Variants in C1orf21 observed in about 807,000 individuals in gnomAD.
C1orf21 encodes the protein uncharacterized protein C1orf21.
Under a neutral mutation model 18.7 loss-of-function variants are expected in C1orf21, and 3 were observed. That is an observed-to-expected ratio of 0.16 (90% confidence interval 0.07 to 0.42). The LOEUF is 0.42. Ranked by LOEUF, C1orf21 falls within the 10% of genes least tolerant of loss-of-function variation. C1orf21 has a pLI of 0.99. For synonymous variants in C1orf21, 41 were observed against 46.4 expected (o/e 0.88, Z 0.47); for missense variants, 104 against 143.6 (o/e 0.72, Z 1.41).
At chr1:184,470,114 A>G (rs1440802064) in intron 1 of C1orf21, among the ~76,000 whole-genome samples, 2 of 151,850 alleles carry the variant, frequency 1.3e-5, no homozygotes, top group African/African-American at 4.8e-5. Flanking sequence ...CTCCCTTTCC[A>G]TCTGTTTTCT....
chr1:184,482,269 G>A (rs1177080096), intron 2 of C1orf21, among the ~76,000 whole-genome samples: 3 of 152,182 alleles, frequency 2.0e-5, no homozygotes, highest in Non-Finnish European at 4.4e-5. Flanking sequence ...CTTTCCAGCT[G>A]GGTAGCCAAA....
Position 184,477,735 on chromosome 1 carries a change from T to C in C1orf21, c.94+132T>C, listed in dbSNP as rs1421142699. On this transcript the variant is annotated intron_variant, in intron 2 of 5. Transcript: ENST00000235307. ...GTTACATGCCTAGAATGTGTAACGA[T>C]CAAGTCGGTATTTAGGATATCTATC... The C allele has an allele frequency of 3.3e-5, 23 of 690,290 alleles. No individual in the cohort carries two copies. The South Asian group carries it at 4.3e-4, about 13-fold the overall frequency. 42.8% of individuals were successfully genotyped at this position (690,290 alleles called of 1,614,324 possible).
At chr1:184,575,328 T>C (rs1368129191) in intron 3 of C1orf21, among the ~76,000 whole-genome samples, 1 of 152,138 alleles carries the variant, frequency 6.6e-6, no homozygotes, top group African/African-American at 2.4e-5. Flanking sequence ...TGGCTCCACA[T>C]TGTAAAATAA....
In C1orf21 at chr1:184,484,240, A is replaced by T. The variant is rs1292517723; in HGVS notation, c.94+6637A>T. 3.3e-5 allele frequency among the ~76,000 whole-genome samples: 5 copies of T among 152,126 alleles called. No individual in the cohort carries two copies. The South Asian group carries it at 6.2e-4, about 19-fold the overall frequency. ...TTGTTTTGTACTCTGTTCCTTCATG[A>T]TCGCCTTCTTCAGTCAACTGAGCAA... On this transcript the variant is annotated intron_variant, in intron 2 of 5. Coordinates refer to ENST00000235307, the MANE Select transcript of C1orf21 (RefSeq NM_030806.4).
At chr1:184,451,341 A>G (rs1026501791) in intron 1 of C1orf21, among the ~76,000 whole-genome samples, 5 of 151,890 alleles carry the variant, frequency 3.3e-5, no homozygotes, top group Non-Finnish European at 7.4e-5. Context: ...CCCAGACTGG[A>G]GTGCAACGGC....
At chr1:184,539,946 C>T (rs981644553) in intron 3 of C1orf21, 15 of 152,170 alleles carry the variant, frequency 9.9e-5, no homozygotes, top group African/African-American at 3.4e-4. Context: ...GGACATGACA[C>T]GGAGCAGTGA....
chr1:184,456,302 T>C (rs1657196486), intron 1 of C1orf21, among the ~76,000 whole-genome samples: 5 of 152,216 alleles, frequency 3.3e-5, no homozygotes, highest in Admixed American at 2.0e-4. Context: ...CTTAGTTATA[T>C]TTTCTGAATC....
intron 3 of C1orf21, among the ~76,000 whole-genome samples, chr1:184,541,825 C>T (rs921309728): frequency 3.9e-5 from 6 of 152,132 alleles, no homozygotes; most frequent in South Asian, 2.1e-4. Flanking sequence ...AGGGGGATCA[C>T]GGACTGGCGT....
At chr1:184,422,114 G>T (rs906094816) in intron 1 of C1orf21, among the ~76,000 whole-genome samples, 1 of 152,178 alleles carries the variant, frequency 6.6e-6, no homozygotes, top group Non-Finnish European at 1.5e-5. Context: ...AGATTTCAGT[G>T]GGTCAAGATG....
chr1:184,495,722 C>T (rs1185589617), intron 2 of C1orf21, among the ~76,000 whole-genome samples: 1 of 151,858 alleles, frequency 6.6e-6, no homozygotes, highest in South Asian at 2.1e-4. Flanking sequence ...GAGTTCAAGA[C>T]CAGCCTGGCC....
chr1:184,438,244 C>G (rs1202821490), intron 1 of C1orf21, among the ~76,000 whole-genome samples: 1 of 152,192 alleles, frequency 6.6e-6, no homozygotes, highest in Admixed American at 6.5e-5. Flanking sequence ...AGCTCAACTC[C>G]AAACTCTGTG....
chr1:184,539,959 C>T (rs1222066711), intron 3 of C1orf21: 1 of 152,184 alleles, frequency 6.6e-6, no homozygotes, highest in African/African-American at 2.4e-5. Flanking sequence ...AGCAGTGACC[C>T]TGCTGACCTG....
intron 2 of C1orf21, among the ~76,000 whole-genome samples, chr1:184,506,555 A>C (rs1443153166): frequency 1.3e-5 from 2 of 152,222 alleles, no homozygotes; most frequent in Non-Finnish European, 2.9e-5. Flanking sequence ...TGGTTCCTAT[A>C]GTTAGACATT....
Position 184,615,167 on chromosome 1 carries a change from A to T in C1orf21, c.328-4351A>T, listed in dbSNP as rs138625690. 8.0e-3 allele frequency among the ~76,000 whole-genome samples: 1,216 copies of T among 152,232 alleles called. 12 individuals carry two copies. Among genetic ancestry groups the T allele is most frequent in the Non-Finnish European group, 0.013 (907 of 68,016 alleles). ...ACAAACAAAAACCCCTTACACTAGA[A>T]CCTTAGAAATGTGTGTTCTGCACTG... is the stretch of plus-strand genomic sequence containing the variant. On this transcript the variant is annotated intron_variant, in intron 5 of 5. Coordinates refer to ENST00000235307, the MANE Select transcript of C1orf21 (RefSeq NM_030806.4).
chr1:184,418,960 A>G (rs1013986030), intron 1 of C1orf21, among the ~76,000 whole-genome samples: 12 of 152,282 alleles, frequency 7.9e-5, no homozygotes, highest in East Asian at 3.9e-4. Flanking sequence ...TTGTGTGTGT[A>G]TATGTGTCTG....
At chr1:184,608,954 T>G (rs144988032) in intron 5 of C1orf21, among the ~76,000 whole-genome samples, 59 of 152,262 alleles carry the variant, frequency 3.9e-4, no homozygotes, top group Admixed American at 1.4e-3. Flanking sequence ...TTCTCTGCCT[T>G]CTAGAAAGAG....
At chr1:184,566,768 T>C (rs1014331872) in intron 3 of C1orf21, 1 of 406,986 alleles carries the variant, frequency 2.5e-6, no homozygotes, top group Non-Finnish European at 4.9e-6. Flanking sequence ...GGCTGGCTGG[T>C]GTTGTGATGC....
chr1:184,448,299 G>A (rs1227023871), intron 1 of C1orf21, among the ~76,000 whole-genome samples: 1 of 152,134 alleles, frequency 6.6e-6, no homozygotes, highest in Non-Finnish European at 1.5e-5. Flanking sequence ...GGCCAGGCTG[G>A]TCTCGAACTC....
chr1:184,614,020 A>G, intron 5 of C1orf21, among the ~76,000 whole-genome samples: 1 of 152,142 alleles, frequency 6.6e-6, no homozygotes, highest in East Asian at 1.9e-4. Flanking sequence ...AAATAAAAAT[A>G]AAGAGATGGG....
Sources: allele counts gnomAD v4.1 joint callset (sites outside exome capture counted in the v4.1 genomes callset), GRCh38; gene constraint gnomAD v4.1.1; transcripts MANE v1.5; gene names NCBI Gene and HGNC (gene_info 2026-07-23, HGNC 2026-07-21).